The following KLHL32 variants were observed in gnomAD, a reference collection of about 807,000 sequenced individuals.
KLHL32 encodes the protein kelch like family member 32, also known as kelch-like protein 32.
In KLHL32, 35 loss-of-function variants were observed where a neutral mutation model predicts 64.8. The ratio of observed to expected loss-of-function variants is 0.54; its 90% CI spans 0.41 to 0.72. KLHL32 has a LOEUF of 0.72. Ranked by LOEUF, KLHL32 falls within the 30% of genes least tolerant of loss-of-function variation. The pLI is 0.00. For missense variants in KLHL32, 589 were observed against 768.5 expected (o/e 0.77, Z 2.76); for synonymous variants, 259 against 281.0 (o/e 0.92, Z 0.78).
At chr6:96,901,277 T>A in the KLHL32 span, among the ~76,000 whole-genome samples, 1 of 152,000 alleles carries the variant, frequency 6.6e-6, no homozygotes, top group Admixed American at 6.6e-5. Flanking sequence ...CAAAATGAGA[T>A]TTTTAAGGAT....
At chr6:96,908,788 C>G in the KLHL32 span, among the ~76,000 whole-genome samples, 185 of 152,140 alleles carry the variant, frequency 1.2e-3, no homozygotes, top group Non-Finnish European at 2.2e-3. Flanking sequence ...GCCCCCTCCC[C>G]TTCACCAGTT....
In KLHL32 at chr6:96,991,463, G is replaced by C. The variant is rs1777868684; in HGVS notation, c.204+15286G>C. On this transcript the variant is annotated intron_variant, in intron 3 of 10. Transcript: ENST00000369261. Reference sequence around the variant, plus strand: ...TGCAGTAAGGGTGGTACCCATCGCAGCTGTAATGGCAGAGGGGCTATGGGT... The same window carrying C: ...TGCAGTAAGGGTGGTACCCATCGCACCTGTAATGGCAGAGGGGCTATGGGT... 2.0e-5 allele frequency among the ~76,000 whole-genome samples: 3 copies of C among 152,062 alleles called. No individual in the cohort carries two copies. In the South Asian group the frequency reaches 6.2e-4, roughly 31 times the overall value.
At chr6:97,023,577 G>T (rs1052044528) in intron 3 of KLHL32, among the ~76,000 whole-genome samples, 2 of 152,104 alleles carry the variant, frequency 1.3e-5, no homozygotes, top group Non-Finnish European at 1.5e-5. Context: ...AAAATCCAGG[G>T]CAACAAGGAT....
chr6:97,085,775 A>G (rs1202223493), intron 6 of KLHL32, among the ~76,000 whole-genome samples: 4 of 152,242 alleles, frequency 2.6e-5, no homozygotes, highest in Non-Finnish European at 5.9e-5. Context: ...TTGTTGCAAT[A>G]GAGAGCAGCT....
chr6:97,063,631 C>T (rs1789263176), intron 4 of KLHL32, among the ~76,000 whole-genome samples: 2 of 152,132 alleles, frequency 1.3e-5, no homozygotes, highest in African/African-American at 4.8e-5. Flanking sequence ...TTGACTAGTG[C>T]CTCCCTGTGC....
chr6:97,054,671 G>A (rs923784518), intron 4 of KLHL32, among the ~76,000 whole-genome samples: 6 of 152,142 alleles, frequency 3.9e-5, no homozygotes, highest in Non-Finnish European at 7.3e-5. Context: ...ATTATACTTT[G>A]CAGGAAGAAA....
chr6:97,031,493 G>A (rs1783539668), intron 3 of KLHL32, among the ~76,000 whole-genome samples: 1 of 152,044 alleles, frequency 6.6e-6, no homozygotes, highest in South Asian at 2.1e-4. Flanking sequence ...AGACCACCAT[G>A]CTCAGCTAAT....
intron 3 of KLHL32, among the ~76,000 whole-genome samples, chr6:97,014,279 A>G (rs1286048253): frequency 6.6e-6 from 1 of 150,412 alleles, no homozygotes; most frequent in Non-Finnish European, 1.5e-5. Flanking sequence ...TGGGTGACAG[A>G]GCGAGACTCC....
chr6:97,039,693 A>G (rs1464897261), intron 3 of KLHL32, among the ~76,000 whole-genome samples: 3 of 143,864 alleles, frequency 2.1e-5, no homozygotes, highest in African/African-American at 8.2e-5. Flanking sequence ...GGTGGCGGGC[A>G]CCTATAGTCC....
the KLHL32 span, among the ~76,000 whole-genome samples, chr6:96,899,298 T>C: frequency 6.6e-6 from 1 of 152,206 alleles, no homozygotes; most frequent in East Asian, 1.9e-4. Context: ...AGCATGCTTG[T>C]GATTCAGGGC....
At chr6:97,127,545 G>A in intron 8 of KLHL32, 83 bp downstream of exon 8, 1 of 1,117,158 alleles carries the variant, frequency 9.0e-7, no homozygotes, top group Non-Finnish European at 1.4e-6. Context: ...GGAATGCCAA[G>A]TGTACACACA....
At chr6:97,007,163 A>G (rs1215175830) in intron 3 of KLHL32, among the ~76,000 whole-genome samples, 1 of 151,902 alleles carries the variant, frequency 6.6e-6, no homozygotes, top group Non-Finnish European at 1.5e-5. Context: ...ACATTATCCC[A>G]TATTTCTTGG....
intron 6 of KLHL32, among the ~76,000 whole-genome samples, chr6:97,110,432 A>C (rs1796965232): frequency 6.6e-6 from 1 of 152,218 alleles, no homozygotes; most frequent in Admixed American, 6.5e-5. Context: ...CACTTCATTC[A>C]GAAAACTAAA....
At chr6:97,131,916 A>G (rs1450107360) in intron 9 of KLHL32, among the ~76,000 whole-genome samples, 2 of 152,140 alleles carry the variant, frequency 1.3e-5, no homozygotes, top group Non-Finnish European at 2.9e-5. Context: ...TGTAAGATCC[A>G]GCTTATTTAT....
intron 1 of KLHL32, among the ~76,000 whole-genome samples, chr6:96,962,249 AC>A (rs1328827323): frequency 6.6e-6 from 1 of 152,220 alleles, no homozygotes; most frequent in Non-Finnish European, 1.5e-5. Context: ...AAAAATAAAG[AC>A]TATTAAGAGG....
At chr6:96,987,153 A>G (rs554983865) in intron 3 of KLHL32, among the ~76,000 whole-genome samples, 1 of 152,272 alleles carries the variant, frequency 6.6e-6, no homozygotes, top group East Asian at 1.9e-4. Context: ...ATCTTTTCAA[A>G]AAACCAGCTC....
intron 3 of KLHL32, among the ~76,000 whole-genome samples, chr6:97,011,587 A>G (rs574041603): frequency 3.3e-5 from 5 of 152,224 alleles, no homozygotes; most frequent in Admixed American, 6.5e-5. Flanking sequence ...TAGAAACTCT[A>G]TAAACTCATC....
the KLHL32 span, among the ~76,000 whole-genome samples, chr6:96,905,597 A>G: frequency 6.6e-6 from 1 of 152,232 alleles, no homozygotes; most frequent in Admixed American, 6.5e-5. Flanking sequence ...GTAAAATGGA[A>G]ATATAACAAT....
At chr6:96,964,482 T>C (rs1165013405) in intron 1 of KLHL32, among the ~76,000 whole-genome samples, 1 of 152,144 alleles carries the variant, frequency 6.6e-6, no homozygotes, top group Non-Finnish European at 1.5e-5. Context: ...TGAAACCCCG[T>C]CTCTACTTAA....
Sources: allele counts gnomAD v4.1 joint callset (sites outside exome capture counted in the v4.1 genomes callset), GRCh38; gene constraint gnomAD v4.1.1; transcripts MANE v1.5; gene names NCBI Gene and HGNC (gene_info 2026-07-23, HGNC 2026-07-21).